TSPAN18: variants seen among roughly 807,000 people sequenced by gnomAD.
TSPAN18 encodes tetraspanin-18.
A neutral mutation model predicts 27.3 loss-of-function variants in TSPAN18; 14 were observed. That is an observed-to-expected ratio of 0.51 (90% CI 0.34 to 0.80). The LOEUF (loss-of-function observed/expected upper bound fraction) is 0.80, where lower values mean the gene tolerates loss of function less well. TSPAN18 is among the 30% of genes least tolerant of loss of function. TSPAN18 has a pLI of 0.01. For missense variants in TSPAN18, 268 were observed against 323.9 expected (o/e 0.83, Z 1.32); for synonymous variants, 143 against 136.5 (o/e 1.05, Z -0.33).
chr11:44,844,899 A>C lies in TSPAN18; in HGVS notation c.-152-15429A>C, dbSNP rs75878362. ...ATCTACCTCACCTTGCCTGGTGCTC[A>C]TCACCACTCATTGAGGCAGGAGTCA... On this transcript the variant is annotated intron_variant, in intron 2 of 9. Coordinates refer to ENST00000520358, the MANE Select transcript of TSPAN18 (RefSeq NM_130783.5). Among the ~76,000 whole-genome samples the C allele has an allele frequency of 9.2e-5, 14 of 152,360 alleles. No individual in the cohort carries two copies. In the East Asian group the frequency reaches 2.7e-3, roughly 29 times the overall value.
intron 5 of TSPAN18, among the ~76,000 whole-genome samples, chr11:44,914,711 C>A (rs546684791): frequency 6.6e-6 from 1 of 152,302 alleles, no homozygotes; most frequent in African/African-American, 2.4e-5. Context: ...CTGTTCCTCT[C>A]AGCCACAATC....
In TSPAN18 at chr11:44,765,511, G is replaced by T. The variant is rs57207463; in HGVS notation, c.-153+999G>T. ...TGGAGGGCTTCATGCGCCAGGCACAGTGTGACGCTCACTCACTGCACCATC... is the reference window on the plus strand; with the variant it reads ...TGGAGGGCTTCATGCGCCAGGCACATTGTGACGCTCACTCACTGCACCATC... On this transcript the variant is annotated intron_variant, in intron 2 of 9. Coordinates refer to ENST00000520358, the MANE Select transcript of TSPAN18 (RefSeq NM_130783.5). 2.6e-5 allele frequency among the ~76,000 whole-genome samples: 4 copies of T among 152,210 alleles called. No individual in the cohort carries two copies. The East Asian group carries it at 5.8e-4, about 22-fold the overall frequency.
intron 8 of TSPAN18, among the ~76,000 whole-genome samples, chr11:44,922,571 T>C (rs962727780): frequency 2.6e-5 from 4 of 152,100 alleles, no homozygotes; most frequent in African/African-American, 9.7e-5. Flanking sequence ...CTGGTCCACA[T>C]TGGTGGTGGA....
chr11:44,895,185 G>T (rs1045338024), intron 3 of TSPAN18, among the ~76,000 whole-genome samples: 2 of 152,138 alleles, frequency 1.3e-5, no homozygotes, highest in African/African-American at 4.8e-5. Context: ...GTCTGTTTAG[G>T]GGAAAGATGT....
chr11:44,839,278 G>C (rs940072835), intron 2 of TSPAN18, among the ~76,000 whole-genome samples: 2 of 152,140 alleles, frequency 1.3e-5, no homozygotes, highest in Non-Finnish European at 2.9e-5. Flanking sequence ...TGGGCCCCCC[G>C]GCTCCCCAGT....
chr11:44,832,562 C>T (rs1428320898), intron 2 of TSPAN18, among the ~76,000 whole-genome samples: 3 of 152,212 alleles, frequency 2.0e-5, no homozygotes, highest in Non-Finnish European at 2.9e-5. Context: ...ACAGCTGGAA[C>T]GGAAGCCCGG....
At chr11:44,861,400 G>T (rs1047902062) in intron 3 of TSPAN18, among the ~76,000 whole-genome samples, 1 of 147,796 alleles carries the variant, frequency 6.8e-6, no homozygotes. Context: ...GGTTGGTGGG[G>T]TGCGGGTGGT....
chr11:44,780,454 C>CTCAT (rs1030029551), intron 2 of TSPAN18, among the ~76,000 whole-genome samples: 7 of 152,176 alleles, frequency 4.6e-5, no homozygotes, highest in South Asian at 4.1e-4. Context: ...CCTTCCTCTG[C>CTCAT]TCATTCATTC....
At chr11:44,844,658 C>T (rs1190151850) in intron 2 of TSPAN18, among the ~76,000 whole-genome samples, 2 of 152,160 alleles carry the variant, frequency 1.3e-5, no homozygotes, top group Non-Finnish European at 2.9e-5. Context: ...AAGTCTTTGG[C>T]ACAATTTTAA....
intron 9 of TSPAN18, among the ~76,000 whole-genome samples, chr11:44,928,513 G>A (rs546550377): frequency 8.5e-5 from 13 of 152,270 alleles, no homozygotes; most frequent in Admixed American, 5.2e-4. Context: ...TTGGCTGGGC[G>A]CTGTGGCTCA....
At chr11:44,811,519 G>A (rs1269318058) in intron 2 of TSPAN18, among the ~76,000 whole-genome samples, 8 of 151,170 alleles carry the variant, frequency 5.3e-5, no homozygotes, top group African/African-American at 1.9e-4. Flanking sequence ...GAGTGCAATG[G>A]CACAATCTCG....
chr11:44,790,355 G>A (rs1417281053), intron 2 of TSPAN18, among the ~76,000 whole-genome samples: 1 of 150,948 alleles, frequency 6.6e-6, no homozygotes, highest in Non-Finnish European at 1.5e-5. Flanking sequence ...GTTGGTGTGT[G>A]TGGGTGCGTG....
chr11:44,779,360 A>G (rs1050079400), intron 2 of TSPAN18, among the ~76,000 whole-genome samples: 19 of 152,298 alleles, frequency 1.2e-4, no homozygotes, highest in African/African-American at 4.6e-4. Context: ...TCAGATGCCA[A>G]TAAAAACACT....
At chr11:44,861,913 G>A (rs1049626840) in intron 3 of TSPAN18, among the ~76,000 whole-genome samples, 1 of 151,822 alleles carries the variant, frequency 6.6e-6, no homozygotes, top group Non-Finnish European at 1.5e-5. Context: ...TTCTCATAAA[G>A]AGTCCCTGCA....
chr11:44,910,210 C>A (rs1424720224), intron 5 of TSPAN18, among the ~76,000 whole-genome samples: 1 of 152,260 alleles, frequency 6.6e-6, no homozygotes, highest in Non-Finnish European at 1.5e-5. Context: ...GCCTTTGGGA[C>A]CTGTTTTCTC....
At chr11:44,924,403 G>A (rs141682180) in intron 8 of TSPAN18, among the ~76,000 whole-genome samples, 74 of 152,274 alleles carry the variant, frequency 4.9e-4, no homozygotes, top group African/African-American at 1.7e-3. Context: ...GCCCAAGGTC[G>A]CACAGCAAGC....
chr11:44,726,442 G>T (rs1318968599), upstream of TSPAN18: 6 of 152,178 alleles, frequency 3.9e-5, no homozygotes, highest in African/African-American at 1.2e-4. Context: ...CTGGGGTCAG[G>T]CCCCTCCATG....
chr11:44,851,624 C>A lies in TSPAN18; in HGVS notation c.-152-8704C>A, dbSNP rs540045662. ...AGGTACTCTTGTCACCTCCCCCCCC[C>A]AACGGCTGGGTCCCTGTCTACCTCC... is the stretch of plus-strand genomic sequence containing the variant. On this transcript the variant is annotated intron_variant, in intron 2 of 9. Transcript: ENST00000520358. 2.4e-4 allele frequency among the ~76,000 whole-genome samples: 36 copies of A among 148,580 alleles called. 1 individual carries two copies. The South Asian group carries it at 7.7e-3, about 32-fold the overall frequency.
intron 1 of TSPAN18, among the ~76,000 whole-genome samples, chr11:44,727,996 G>T (rs1163472104): frequency 1.3e-5 from 2 of 152,224 alleles, no homozygotes; most frequent in Non-Finnish European, 2.9e-5. Flanking sequence ...CTGGAGTGAG[G>T]TGACTGGGCT....
Sources: gnomAD v4.1 joint callset for allele counts (sites outside exome capture counted in the v4.1 genomes callset) on GRCh38, gnomAD v4.1.1 for gene constraint, MANE v1.5 for transcripts, NCBI Gene and HGNC (gene_info 2026-07-23, HGNC 2026-07-21) for gene names.